Variants in GALNT13 observed in about 807,000 individuals in gnomAD.
The protein encoded by GALNT13 is polypeptide N-acetylgalactosaminyltransferase 13, also known as UDP-GalNAc:polypeptide N-acetylgalactosaminyltransferase 13.
GALNT13 carries 28 observed loss-of-function variants against 64.2 expected under a neutral mutation model. The ratio of observed to expected loss-of-function variants is 0.44; its 90% confidence interval spans 0.32 to 0.60. The LOEUF (loss-of-function observed/expected upper bound fraction) is 0.60. GALNT13 is among the 20% of genes least tolerant of loss of function. GALNT13 has a pLI of 0.05. For synonymous variants in GALNT13, 214 were observed against 224.6 expected (o/e 0.95, Z 0.42); for missense variants, 577 against 669.8 (o/e 0.86, Z 1.53).
At chr2:153,154,240 A>G in the GALNT13 span, among the ~76,000 whole-genome samples, 2 of 152,074 alleles carry the variant, frequency 1.3e-5, no homozygotes, top group Admixed American at 6.6e-5. Context: ...GTGATAGTGA[A>G]TAAGTCTTAT....
intron 3 of GALNT13, among the ~76,000 whole-genome samples, chr2:154,046,612 T>G (rs1286288832): frequency 6.6e-6 from 1 of 152,200 alleles, no homozygotes; most frequent in East Asian, 1.9e-4. Context: ...ATTCATTTCA[T>G]GAAGCCCCAA....
At chr2:153,082,762 A>T in the GALNT13 span, among the ~76,000 whole-genome samples, 3 of 145,322 alleles carry the variant, frequency 2.1e-5, no homozygotes, top group African/African-American at 5.0e-5. Context: ...GAATAAATAA[A>T]ATATATATTA....
chr2:154,273,771 A>C (rs375347590), intron 8 of GALNT13, among the ~76,000 whole-genome samples: 1 of 152,166 alleles, frequency 6.6e-6, no homozygotes, highest in Admixed American at 6.6e-5. Context: ...AAATCACCTA[A>C]TGGTGCATTC....
chr2:153,404,530 A>C, the GALNT13 span, among the ~76,000 whole-genome samples: 1 of 150,940 alleles, frequency 6.6e-6, no homozygotes, highest in Non-Finnish European at 1.5e-5. Context: ...TTTTTACTTT[A>C]GAAAAAAAAT....
At chr2:153,806,937 C>T in the GALNT13 span, among the ~76,000 whole-genome samples, 6 of 151,710 alleles carry the variant, frequency 4.0e-5, no homozygotes, top group Non-Finnish European at 7.4e-5. Flanking sequence ...TATAATGAAA[C>T]ATAGAAATGA....
chr2:154,267,128 C>A (rs951608184), intron 8 of GALNT13, among the ~76,000 whole-genome samples: 1 of 151,878 alleles, frequency 6.6e-6, no homozygotes. Context: ...ATTATTAGAA[C>A]AACTGAATGT....
In GALNT13 at chr2:153,944,560, T is replaced by C. The variant is rs747142582; in HGVS notation, c.63T>C (p.Asp21=). 6.2e-7 allele frequency: 1 copy of C among 1,613,694 alleles called. No individual in the cohort carries two copies. Among genetic ancestry groups the C allele is most frequent in the Non-Finnish European group, 8.5e-7 (1 of 1,179,676 alleles). ...CTTCGCTGATGTGGGTTCTTGTTGA[T>C]GTCTTCTTACTGCTGTACTTCAGTG... ...LATSLMWVLV[D]VFLLLYFSEC... Residue 21 remains aspartate, a synonymous_variant, in exon 3 of 13, where the codon GAT becomes GAC. Transcript: ENST00000392825.
chr2:153,128,375 G>C, the GALNT13 span, among the ~76,000 whole-genome samples: 1 of 151,962 alleles, frequency 6.6e-6, no homozygotes, highest in Non-Finnish European at 1.5e-5. Flanking sequence ...GTAAACTCTG[G>C]TTTTTTAAAA....
At chr2:153,998,856 T>C (rs780813911) in intron 3 of GALNT13, among the ~76,000 whole-genome samples, 6 of 152,166 alleles carry the variant, frequency 3.9e-5, no homozygotes, top group Non-Finnish European at 8.8e-5. Context: ...TTTCTGCATA[T>C]GGTTAGCCAG....
chr2:153,244,469 G>A, the GALNT13 span, among the ~76,000 whole-genome samples: 1 of 152,150 alleles, frequency 6.6e-6, no homozygotes, highest in Non-Finnish European at 1.5e-5. Context: ...TATCTCACTG[G>A]TACTGGTTAG....
At chr2:154,344,538 C>A (rs894900842) in intron 9 of GALNT13, among the ~76,000 whole-genome samples, 61 of 145,188 alleles carry the variant, frequency 4.2e-4, no homozygotes, top group African/African-American at 1.3e-3. Flanking sequence ...TGCAAAAGAC[C>A]CTGTGATGTA....
chr2:153,086,446 G>GGGGCT, the GALNT13 span, among the ~76,000 whole-genome samples: 2 of 152,044 alleles, frequency 1.3e-5, no homozygotes, highest in Admixed American at 6.6e-5. Context: ...ATTGAATCGG[G>GGGGCT]GGGCTGTTTT....
chr2:154,005,905 G>C (rs1696217202), intron 3 of GALNT13, among the ~76,000 whole-genome samples: 2 of 152,122 alleles, frequency 1.3e-5, no homozygotes, highest in Non-Finnish European at 2.9e-5. Context: ...TTTTGGATTA[G>C]CTACAAGTTG....
intron 3 of GALNT13, among the ~76,000 whole-genome samples, chr2:154,089,767 T>A (rs1701711103): frequency 6.6e-6 from 1 of 152,016 alleles, no homozygotes. Context: ...AAATAAATGT[T>A]TCTTCCTTTA....
At chr2:153,906,278 G>T (rs1688556300) in intron 2 of GALNT13, among the ~76,000 whole-genome samples, 1 of 149,774 alleles carries the variant, frequency 6.7e-6, no homozygotes, top group African/African-American at 2.5e-5. Context: ...AAGTTTTAGG[G>T]TACATGTGCA....
At chr2:154,048,102 G>A (rs567192870) in intron 3 of GALNT13, among the ~76,000 whole-genome samples, 5 of 152,290 alleles carry the variant, frequency 3.3e-5, no homozygotes, top group Non-Finnish European at 5.9e-5. Flanking sequence ...GGCAGAAGGC[G>A]AAGGGGGAGC....
the GALNT13 span, among the ~76,000 whole-genome samples, chr2:153,196,439 C>T: frequency 2.0e-5 from 3 of 152,148 alleles, no homozygotes; most frequent in African/African-American, 7.2e-5. Flanking sequence ...AGGCTTGGCC[C>T]CATTCCTACT....
chr2:153,994,801 A>T (rs948729044), intron 3 of GALNT13, among the ~76,000 whole-genome samples: 7 of 151,926 alleles, frequency 4.6e-5, no homozygotes, highest in African/African-American at 1.7e-4. Context: ...TGAGTTCTTC[A>T]TAGATTCTGG....
At chr2:153,146,795 G>A in the GALNT13 span, among the ~76,000 whole-genome samples, 4 of 151,866 alleles carry the variant, frequency 2.6e-5, no homozygotes, top group Non-Finnish European at 5.9e-5. Flanking sequence ...AATATTTATT[G>A]TGTAGTAAGC....
Sources: allele counts gnomAD v4.1 joint callset (sites outside exome capture counted in the v4.1 genomes callset), GRCh38; gene constraint gnomAD v4.1.1; transcripts MANE v1.5; gene names NCBI Gene and HGNC (gene_info 2026-07-23, HGNC 2026-07-21).